The following FRMD4A variants were observed in gnomAD, a reference collection of about 807,000 sequenced individuals.
The protein encoded by FRMD4A is FERM domain-containing protein 4A.
FRMD4A carries 29 observed loss-of-function variants against 129.1 expected under a neutral mutation model. The ratio of observed to expected loss-of-function variants is 0.22; its 90% CI spans 0.17 to 0.31. The LOEUF is 0.31. Among genes scored for constraint, FRMD4A ranks in the 10% least tolerant of loss-of-function variants. FRMD4A has a pLI of 1.00. For missense variants in FRMD4A, 1,272 were observed against 1,375.8 expected, an observed-to-expected ratio of 0.92 and a Z score of 1.19; for synonymous variants, 634 against 571.6, an observed-to-expected ratio of 1.11 and a Z score of -1.56.
At chr10:13,843,227 T>G (rs1276705574) in intron 3 of FRMD4A, among the ~76,000 whole-genome samples, 2 of 152,152 alleles carry the variant, frequency 1.3e-5, no homozygotes, top group Non-Finnish European at 1.5e-5. Flanking sequence ...AGCCTCTGAC[T>G]CAGTATATTG....
intron 3 of FRMD4A, among the ~76,000 whole-genome samples, chr10:13,813,119 G>C (rs992514455): frequency 6.6e-6 from 1 of 152,248 alleles, no homozygotes; most frequent in African/African-American, 2.4e-5. Flanking sequence ...TGGATCACTT[G>C]TGACTATGAG....
chr10:13,933,841 G>T (rs1049454379), intron 2 of FRMD4A, among the ~76,000 whole-genome samples: 1 of 152,206 alleles, frequency 6.6e-6, no homozygotes, highest in African/African-American at 2.4e-5. Context: ...CTGGCTAGGG[G>T]AGCAGGGGGC....
chr10:14,328,626 ATGTGTGTGTGTG>A (rs58681647), intron 2 of FRMD4A, among the ~76,000 whole-genome samples: 47 of 142,582 alleles, frequency 3.3e-4, no homozygotes, highest in Admixed American at 7.7e-4. Flanking sequence ...ATACATATGC[ATGTGTGTGTGTG>A]TGTGTGTGTG....
chr10:13,746,753 A>C (rs916217615), intron 9 of FRMD4A, among the ~76,000 whole-genome samples: 2 of 152,230 alleles, frequency 1.3e-5, no homozygotes, highest in Admixed American at 1.3e-4. Flanking sequence ...ATCAGAAGGA[A>C]CATCAGAGAA....
At chr10:14,178,338 G>A (rs1841801642) in intron 2 of FRMD4A, among the ~76,000 whole-genome samples, 1 of 152,168 alleles carries the variant, frequency 6.6e-6, no homozygotes, top group Non-Finnish European at 1.5e-5. Context: ...GTTCACTTAT[G>A]TATTCAGGAA....
chr10:13,947,489 G>C (rs185903547), intron 2 of FRMD4A, among the ~76,000 whole-genome samples: 17 of 152,136 alleles, frequency 1.1e-4, no homozygotes, highest in Non-Finnish European at 2.2e-4. Flanking sequence ...GGAAGGTCTT[G>C]GATGACCAAA....
At chr10:13,901,502 C>G (rs1357886817) in intron 2 of FRMD4A, among the ~76,000 whole-genome samples, 1 of 151,258 alleles carries the variant, frequency 6.6e-6, no homozygotes, top group Non-Finnish European at 1.5e-5. Context: ...CCCAGCTACT[C>G]AGGAGGCTGA....
At chr10:14,296,311 A>T (rs1436553881) in intron 2 of FRMD4A, among the ~76,000 whole-genome samples, 29 of 152,170 alleles carry the variant, frequency 1.9e-4, no homozygotes, top group Non-Finnish European at 2.9e-5. Context: ...CTAATATTTG[A>T]TCTCCTGCTC....
At chr10:13,840,975 G>T (rs1359146049) in intron 3 of FRMD4A, among the ~76,000 whole-genome samples, 3 of 151,970 alleles carry the variant, frequency 2.0e-5, no homozygotes, top group Non-Finnish European at 2.9e-5. Flanking sequence ...AGGCATGGTG[G>T]TGCATGTCTG....
chr10:14,187,470 G>T (rs377664029), intron 2 of FRMD4A, among the ~76,000 whole-genome samples: 10 of 152,266 alleles, frequency 6.6e-5, no homozygotes, highest in Admixed American at 3.3e-4. Context: ...AGCCATTATC[G>T]TGGAATGACT....
chr10:13,674,667 A>C (rs934093454), intron 16 of FRMD4A, among the ~76,000 whole-genome samples: 2 of 152,222 alleles, frequency 1.3e-5, no homozygotes, highest in Non-Finnish European at 2.9e-5. Context: ...TAAGATTTGC[A>C]CTAATGCGGT....
chr10:14,133,879 G>C (rs762411892), intron 2 of FRMD4A, among the ~76,000 whole-genome samples: 11 of 152,208 alleles, frequency 7.2e-5, no homozygotes, highest in Non-Finnish European at 1.6e-4. Context: ...TCTCACCTAT[G>C]ATGAATTCAG....
At chr10:14,225,667 A>G (rs1355930782) in intron 2 of FRMD4A, among the ~76,000 whole-genome samples, 1 of 152,168 alleles carries the variant, frequency 6.6e-6, no homozygotes, top group Non-Finnish European at 1.5e-5. Context: ...TCTCATTACA[A>G]ATTCACACCA....
chr10:13,750,992 T>C (rs3949883), intron 8 of FRMD4A, among the ~76,000 whole-genome samples: 10,220 of 152,272 alleles, frequency 0.067, 469 homozygotes, highest in East Asian at 0.21. Context: ...AGGGATTTGA[T>C]TTATTGGTCC....
chr10:13,651,009 T>C (rs2081533293), intron 24 of FRMD4A: 1 of 152,270 alleles, frequency 6.6e-6, no homozygotes, highest in Admixed American at 6.5e-5. Flanking sequence ...TATCTTCTGA[T>C]AGGCAATTTG....
Position 14,020,346 on chromosome 10 carries a change from G to C in FRMD4A, c.46-161434C>G, listed in dbSNP as rs571431876. Among the ~76,000 whole-genome samples the C allele has an allele frequency of 5.9e-5, 9 of 152,232 alleles. No individual in the cohort carries two copies. In the East Asian group the frequency reaches 1.4e-3, roughly 23 times the overall value. ...TTGCATTCCCCCAAAGCCCCCCAGTGGCCCTTTGTAATCCCAGAAAAGAAG... is the reference window on the plus strand; with the variant it reads ...TTGCATTCCCCCAAAGCCCCCCAGTCGCCCTTTGTAATCCCAGAAAAGAAG... On this transcript the variant is annotated intron_variant, in intron 2 of 24. Transcript: ENST00000357447.
At chr10:13,957,305 G>A (rs7093466) in intron 2 of FRMD4A, among the ~76,000 whole-genome samples, 2,218 of 152,262 alleles carry the variant, frequency 0.015, 55 homozygotes, top group African/African-American at 0.049. Flanking sequence ...CCAGACTGGA[G>A]TGCAGTGGTG....
chr10:14,095,987 C>T (rs767513043), intron 2 of FRMD4A, among the ~76,000 whole-genome samples: 6 of 152,174 alleles, frequency 3.9e-5, no homozygotes, highest in Non-Finnish European at 4.4e-5. Context: ...CATATGTGCC[C>T]AGTTGTGAGA....
intron 2 of FRMD4A, among the ~76,000 whole-genome samples, chr10:14,182,558 T>A (rs574378196): frequency 1.3e-4 from 19 of 150,518 alleles, no homozygotes; most frequent in African/African-American, 2.7e-4. Flanking sequence ...AAGACAAAAA[T>A]TTTTTTTTTC....
Sources: allele counts gnomAD v4.1 joint callset (sites outside exome capture counted in the v4.1 genomes callset), GRCh38; gene constraint gnomAD v4.1.1; transcripts MANE v1.5; gene names NCBI Gene and HGNC (gene_info 2026-07-23, HGNC 2026-07-21).